The following ARID2 variants were observed in gnomAD, a reference collection of about 807,000 sequenced individuals.
ARID2 encodes the protein AT-rich interaction domain 2.
Under a neutral mutation model 184.6 loss-of-function variants are expected in ARID2, and 32 were observed. That is an observed-to-expected ratio of 0.17 (90% confidence interval 0.13 to 0.23). The LOEUF is 0.23. ARID2 is among the 10% of genes least tolerant of loss of function. The pLI, the probability that ARID2 is intolerant of heterozygous loss-of-function variation, is 1.00. For synonymous variants in ARID2, 836 were observed against 772.6 expected (o/e 1.08, Z -1.36); for missense variants, 1,696 against 2,197.6 (o/e 0.77, Z 4.56).
chr12:45,851,837 A>G lies in ARID2; in HGVS notation c.3714A>G (p.Lys1238=), dbSNP rs375876217. The change falls in exon 15 of 21, where the codon AAA becomes AAG. Residue 1238 remains lysine (K), a synonymous_variant. Coordinates refer to ENST00000334344, the MANE Select transcript of ARID2 (RefSeq NM_152641.4). ...GTACTACTGCTACTCCCCCATTCAA[A>G]GGTGATAAAATAATTTGCCAAAAGG... is the stretch of plus-strand genomic sequence containing the variant. The part of the protein sequence containing the change: ...SSCTTATPPF[K]GDKIICQKEE... The G allele has an allele frequency of 2.7e-5, 44 of 1,614,040 alleles. No individual in the cohort carries two copies. In the African/African-American group the frequency reaches 3.7e-4, roughly 14 times the overall value.
intron 6 of ARID2, among the ~76,000 whole-genome samples, chr12:45,826,715 G>C (rs775093344): frequency 4.6e-5 from 7 of 152,002 alleles, no homozygotes; most frequent in Non-Finnish European, 8.8e-5. Flanking sequence ...CACCCTGTCT[G>C]CTCCCTTATA....
intron 3 of ARID2, among the ~76,000 whole-genome samples, chr12:45,762,642 C>T (rs1369830439): frequency 1.3e-5 from 2 of 152,140 alleles, no homozygotes; most frequent in African/African-American, 4.8e-5. Context: ...TTTTGAGATC[C>T]AGCAATGTTT....
intron 3 of ARID2, among the ~76,000 whole-genome samples, chr12:45,790,826 T>A (rs1942278810): frequency 6.6e-6 from 1 of 152,192 alleles, no homozygotes; most frequent in Non-Finnish European, 1.5e-5. Flanking sequence ...AAGAAAAACT[T>A]CCATCATTTA....
In ARID2 at chr12:45,905,159, A is replaced by G. The variant is rs1944508205; in HGVS notation, c.*81A>G. The G allele has an allele frequency of 5.6e-6, 8 of 1,416,330 alleles. No homozygotes were observed. Among genetic ancestry groups the G allele is most frequent in the Non-Finnish European group, 3.8e-6 (4 of 1,044,718 alleles). The allele number at this position is 1,416,330 out of a possible 1,614,324, so 87.7% of individuals were successfully genotyped here. ...GTTACTGAAGAAAGCACCAAGTCTT[A>G]ATGGAACAAAGACCATAGAATGAAT... On this transcript the variant is annotated 3_prime_UTR_variant, in exon 21 of 21. Coordinates refer to ENST00000334344, the MANE Select transcript of ARID2 (RefSeq NM_152641.4).
chr12:45,847,453 A>G (rs570103385), intron 12 of ARID2, among the ~76,000 whole-genome samples: 8 of 152,174 alleles, frequency 5.3e-5, no homozygotes, highest in African/African-American at 1.9e-4. Flanking sequence ...CAGCTTGACA[A>G]TAATATTTCC....
intron 3 of ARID2, among the ~76,000 whole-genome samples, chr12:45,735,201 A>G (rs1040725953): frequency 1.3e-5 from 2 of 152,064 alleles, no homozygotes; most frequent in Non-Finnish European, 2.9e-5. Context: ...GAATACACTC[A>G]TGTGTTCTCT....
At chr12:45,752,534 T>C (rs2137996234) in intron 3 of ARID2, among the ~76,000 whole-genome samples, 1 of 152,348 alleles carries the variant, frequency 6.6e-6, no homozygotes, top group Admixed American at 6.5e-5. Flanking sequence ...TGTTTTGTTT[T>C]TTTAAGAGAC....
At chr12:45,760,267 T>C (rs1056748700) in intron 3 of ARID2, among the ~76,000 whole-genome samples, 8 of 152,194 alleles carry the variant, frequency 5.3e-5, no homozygotes, top group Non-Finnish European at 1.2e-4. Context: ...TGGGCTATTA[T>C]ATGGTCAGTT....
chr12:45,781,252 G>A (rs560955283), intron 3 of ARID2, among the ~76,000 whole-genome samples: 119 of 149,146 alleles, frequency 8.0e-4, no homozygotes, highest in African/African-American at 2.9e-3. Flanking sequence ...CAAGACTGCA[G>A]TCAATGGTTG....
In ARID2 at chr12:45,745,367, C is replaced by T. The variant is rs1941335480; in HGVS notation, c.284+14053C>T. Among the ~76,000 whole-genome samples, 3 of 152,144 alleles carry T rather than the reference C, an allele frequency of 2.0e-5. No homozygotes were observed. In the South Asian group the frequency reaches 6.2e-4, roughly 32 times the overall value. On this transcript the variant is annotated intron_variant, in intron 3 of 20. Coordinates refer to ENST00000334344, the MANE Select transcript of ARID2 (RefSeq NM_152641.4). ...GAAGGGTAGAAATAAGGATACTTTT[C>T]CAGGTAGGCCTGCGTGGGGATAATT...
intron 11 of ARID2, 192 bp downstream of exon 11, chr12:45,839,688 A>G (rs967631750): frequency 3.9e-6 from 2 of 507,734 alleles, no homozygotes; most frequent in African/African-American, 1.9e-5. Flanking sequence ...GTGAGCTCAT[A>G]GGAAGAATAG....
At chr12:45,788,552 T>G (rs1942237451) in intron 3 of ARID2, among the ~76,000 whole-genome samples, 1 of 152,162 alleles carries the variant, frequency 6.6e-6, no homozygotes, top group South Asian at 2.1e-4. Context: ...ATACTTTGAT[T>G]AGGAAGTAGA....
intron 3 of ARID2, among the ~76,000 whole-genome samples, chr12:45,794,047 T>C (rs2138058114): frequency 6.6e-6 from 1 of 152,278 alleles, no homozygotes; most frequent in East Asian, 1.9e-4. Context: ...TGAGTGTGTT[T>C]TTATGGAAGT....
intron 3 of ARID2, among the ~76,000 whole-genome samples, chr12:45,802,195 T>C (rs1220146202): frequency 4.6e-5 from 7 of 151,760 alleles, no homozygotes; most frequent in Non-Finnish European, 1.5e-5. Flanking sequence ...TCCTTCCCAG[T>C]AGCTAGGACT....
intron 3 of ARID2, among the ~76,000 whole-genome samples, chr12:45,770,024 A>G (rs1350965773): frequency 1.3e-5 from 2 of 152,048 alleles, no homozygotes; most frequent in Non-Finnish European, 2.9e-5. Context: ...GGAGGCTGAG[A>G]CGGGTAGATC....
chr12:45,776,940 GC>G (rs1941994685), intron 3 of ARID2, among the ~76,000 whole-genome samples: 1 of 151,334 alleles, frequency 6.6e-6, no homozygotes, highest in South Asian at 2.1e-4. Flanking sequence ...ACACCACCAT[GC>G]CCAGCTAATT....
intron 3 of ARID2, among the ~76,000 whole-genome samples, chr12:45,809,638 CT>C (rs1942666887): frequency 1.3e-5 from 2 of 152,164 alleles, no homozygotes; most frequent in Admixed American, 6.5e-5. Context: ...TATGTCTCTG[CT>C]TCAGTATGTT....
chr12:45,899,655 A>ATATATATATATGGT (rs1944422995), intron 20 of ARID2, among the ~76,000 whole-genome samples: 3 of 51,470 alleles, frequency 5.8e-5, no homozygotes, highest in Middle Eastern at 7.6e-3. Context: ...ATATTTGGTT[A>ATATATATATATGGT]TATATATATA....
intron 3 of ARID2, among the ~76,000 whole-genome samples, chr12:45,769,787 C>T (rs984624913): frequency 8.5e-5 from 13 of 152,136 alleles, no homozygotes; most frequent in African/African-American, 2.9e-4. Context: ...TTGAGAGCAG[C>T]AACATAAAAA....
Sources: gnomAD v4.1 joint callset for allele counts (sites outside exome capture counted in the v4.1 genomes callset) on GRCh38, gnomAD v4.1.1 for gene constraint, MANE v1.5 for transcripts, NCBI Gene and HGNC (gene_info 2026-07-23, HGNC 2026-07-21) for gene names.